Variants in PCDH11X observed in about 807,000 individuals in gnomAD.
PCDH11X encodes the protein protocadherin-11 X-linked.
Under a neutral mutation model 53.3 loss-of-function variants are expected in PCDH11X, and 18 were observed. The ratio of observed to expected loss-of-function variants is 0.34; its 90% CI spans 0.23 to 0.50. The LOEUF (loss-of-function observed/expected upper bound fraction) is 0.50. Ranked by LOEUF, PCDH11X falls within the 20% of genes least tolerant of loss-of-function variation. The probability of loss-of-function intolerance (pLI) is 0.98; values close to 1 mark genes in which losing one functional copy is unlikely to be tolerated. For synonymous variants in PCDH11X, 279 were observed against 393.3 expected (o/e 0.71, Z 3.44); for missense variants, 570 against 1,032.4 (o/e 0.55, Z 6.14).
At chrX:92,278,181 A>AG (rs2068152988) in intron 8 of PCDH11X, among the ~76,000 whole-genome samples, 1 of 111,450 alleles carries the variant, frequency 9.0e-6, no homozygotes, top group African/African-American at 3.3e-5. Context: ...AGGGATAGTG[A>AG]GGGAGGTTGG....
intron 8 of PCDH11X, among the ~76,000 whole-genome samples, chrX:92,278,806 G>GTTTT (rs35000823): frequency 3.2e-4 from 15 of 47,376 alleles, no homozygotes; most frequent in East Asian, 2.5e-3. Context: ...TCTCTTTTCA[G>GTTTT]TTTTTTTTTT....
At chrX:92,386,002 T>C (rs1215587298) in intron 8 of PCDH11X, among the ~76,000 whole-genome samples, 2 of 111,961 alleles carry the variant, frequency 1.8e-5, no homozygotes, top group Non-Finnish European at 3.8e-5. Flanking sequence ...AGGAATCCTG[T>C]CCGGCTGTTA....
chrX:92,351,696 C>T (rs1382854787), intron 8 of PCDH11X, among the ~76,000 whole-genome samples: 1 of 111,392 alleles, frequency 9.0e-6, no homozygotes, highest in Admixed American at 9.6e-5. Context: ...AGGTAAAATC[C>T]ATTTTTCTTT....
At position 92,260,817 on chromosome X, in the gene PCDH11X, T is replaced by C. The variant is rs147134635; in HGVS notation, c.3115-2297T>C. Among the ~76,000 whole-genome samples, 8 of 111,818 alleles carry C rather than the reference T, an allele frequency of 7.2e-5. No homozygotes were observed. The East Asian group carries it at 2.3e-3, about 32-fold the overall frequency. On this transcript the variant is annotated intron_variant, in intron 7 of 10. Coordinates refer to ENST00000682573, the MANE Select transcript of PCDH11X (RefSeq NM_032968.5). ...ACCTGTTGGTGGTAAGTGTTAGAAT[T>C]TATTCACACCAGGAGGTAAATAAGA...
intron 6 of PCDH11X, among the ~76,000 whole-genome samples, chrX:92,026,179 A>G (rs999189811): frequency 1.8e-5 from 2 of 110,121 alleles, no homozygotes; most frequent in African/African-American, 6.6e-5. Flanking sequence ...AAACCTCCAC[A>G]TGTACCTCTG....
intron 4 of PCDH11X, among the ~76,000 whole-genome samples, chrX:91,833,267 A>C (rs1711533455): frequency 9.0e-6 from 1 of 111,358 alleles, no homozygotes; most frequent in Admixed American, 9.7e-5. Flanking sequence ...AAACATCCAA[A>C]ACTTCTTAGA....
chrX:92,199,239 A>G (rs765062984), intron 6 of PCDH11X, among the ~76,000 whole-genome samples: 1 of 112,008 alleles, frequency 8.9e-6, no homozygotes, highest in Admixed American at 9.5e-5. Context: ...ATTAGCAATA[A>G]TGCCAGTGAC....
intron 10 of PCDH11X, among the ~76,000 whole-genome samples, chrX:92,481,622 C>A (rs1431756853): frequency 9.0e-6 from 1 of 111,139 alleles, no homozygotes; most frequent in Non-Finnish European, 1.9e-5. Context: ...GTTGGACCAT[C>A]CCCTTCTGAT....
chrX:92,158,013 G>A (rs749640362), intron 6 of PCDH11X, among the ~76,000 whole-genome samples: 2 of 110,753 alleles, frequency 1.8e-5, no homozygotes, highest in African/African-American at 3.3e-5. Flanking sequence ...TCAGGAGTTC[G>A]AGACCAGCCT....
At chrX:91,882,473 A>T (rs1391588367) in intron 6 of PCDH11X, among the ~76,000 whole-genome samples, 4 of 111,555 alleles carry the variant, frequency 3.6e-5, no homozygotes, top group African/African-American at 9.8e-5. Flanking sequence ...TATACATTTT[A>T]AAAAAATAGA....
chrX:92,251,616 G>C (rs891362147), intron 7 of PCDH11X, among the ~76,000 whole-genome samples: 29 of 110,529 alleles, frequency 2.6e-4, no homozygotes, highest in African/African-American at 8.9e-4. Flanking sequence ...ATAATATTTT[G>C]CCCACATCGT....
chrX:91,786,869 T>A, intron 1 of PCDH11X, among the ~76,000 whole-genome samples: 1 of 111,125 alleles, frequency 9.0e-6, no homozygotes, highest in Admixed American at 9.6e-5. Flanking sequence ...GTTGTCAAAG[T>A]TCTGAATGTA....
chrX:91,958,189 C>G (rs912186559), intron 6 of PCDH11X, among the ~76,000 whole-genome samples: 3 of 112,119 alleles, frequency 2.7e-5, no homozygotes, highest in Non-Finnish European at 5.6e-5. Flanking sequence ...GGAATTCAGA[C>G]TCATCTCAGG....
At chrX:91,898,103 GA>G (rs1569432520) in intron 6 of PCDH11X, among the ~76,000 whole-genome samples, 1 of 111,476 alleles carries the variant, frequency 9.0e-6, no homozygotes, top group Non-Finnish European at 1.9e-5. Context: ...AGGAGTAAAT[GA>G]GATAGTATAA....
In PCDH11X at chrX:92,468,578, T is replaced by C. The variant is rs1449079954; in HGVS notation, c.3367+256T>C. Among the ~76,000 whole-genome samples, 22 of 109,435 alleles carry C rather than the reference T, an allele frequency of 2.0e-4. 1 individual carries two copies. Among genetic ancestry groups the C allele is most frequent in the Non-Finnish European group, 7.6e-5 (4 of 52,385 alleles). On this transcript the variant is annotated intron_variant, in intron 10 of 10. Transcript: ENST00000682573. ...TTAGATAATAAAATAAATGTGACTC[T>C]ATAGTTATTTATTTGGCTTAAAGTA...
intron 6 of PCDH11X, among the ~76,000 whole-genome samples, chrX:92,007,348 CCT>C (rs1436337937): frequency 1.8e-4 from 20 of 111,915 alleles, no homozygotes; most frequent in Non-Finnish European, 3.6e-4. Flanking sequence ...ACTCTTCCCC[CCT>C]CTTTCCAAAG....
intron 4 of PCDH11X, among the ~76,000 whole-genome samples, chrX:91,815,611 T>C (rs775341930): frequency 1.8e-5 from 2 of 108,531 alleles, no homozygotes; most frequent in Non-Finnish European, 3.8e-5. Flanking sequence ...GTAATGACTA[T>C]GTGAACAAAA....
intron 6 of PCDH11X, among the ~76,000 whole-genome samples, chrX:92,184,053 A>T (rs771991279): frequency 1.8e-5 from 2 of 111,415 alleles, no homozygotes; most frequent in Non-Finnish European, 3.8e-5. Context: ...TTAAGGTTCT[A>T]TTCATAACTG....
At chrX:92,288,733 T>A (rs1264691541) in intron 8 of PCDH11X, among the ~76,000 whole-genome samples, 23 of 111,162 alleles carry the variant, frequency 2.1e-4, no homozygotes, top group Non-Finnish European at 4.0e-4. Context: ...GTTTTAAGAA[T>A]TTAATTATAG....
Sources: allele counts gnomAD v4.1 joint callset (sites outside exome capture counted in the v4.1 genomes callset), GRCh38; gene constraint gnomAD v4.1.1; transcripts MANE v1.5; gene names NCBI Gene and HGNC (gene_info 2026-07-23, HGNC 2026-07-21).